The following DACH1 variants were observed in gnomAD, a reference collection of about 807,000 sequenced individuals.
DACH1 encodes dachshund homolog 1.
DACH1 carries 12 observed loss-of-function variants against 54.2 expected under a neutral mutation model. The observed-to-expected ratio is 0.22, with a 90% CI of 0.14 to 0.36. DACH1 has a LOEUF of 0.36. DACH1 is among the 10% of genes least tolerant of loss of function. The probability of loss-of-function intolerance (pLI) is 1.00; values close to 1 mark genes in which losing one functional copy is unlikely to be tolerated. For synonymous variants in DACH1, 386 were observed against 366.2 expected (o/e 1.05, Z -0.62); for missense variants, 805 against 929.8 (o/e 0.87, Z 1.75).
intron 4 of DACH1, among the ~76,000 whole-genome samples, chr13:71,566,171 C>T (rs537234382): frequency 2.0e-5 from 3 of 152,292 alleles, no homozygotes; most frequent in South Asian, 2.1e-4. Context: ...TTACAGGCCA[C>T]CACCACCACT....
Position 71,734,161 on chromosome 13 carries a change from G to GTATATCCCATATACA in DACH1, c.849-52252_849-52251insTGTATATGGGATATA, listed in dbSNP as rs1566466050. Reference sequence around the variant, plus strand: ...CCATATATATGTATATCCCATATACGTATACCCCATATATATGTATATCCC... The same window carrying GTATATCCCATATACA: ...CCATATATATGTATATCCCATATACGTATATCCCATATACATATACCCCATATATATGTATATCCC... On this transcript the variant is annotated intron_variant, in intron 1 of 10. Coordinates refer to ENST00000613252, the MANE Select transcript of DACH1 (RefSeq NM_080759.6). Among the ~76,000 whole-genome samples the GTATATCCCATATACA allele has an allele frequency of 1.2e-4, 11 of 89,558 alleles. 1 individual carries two copies. The highest frequency in any genetic ancestry group is 5.4e-4 in the African/African-American group (11 of 20,274). The allele number at this position is 89,558 out of a possible 152,430, so 58.8% of individuals were successfully genotyped here.
intron 10 of DACH1, among the ~76,000 whole-genome samples, chr13:71,447,523 T>C (rs1392584631): frequency 6.6e-6 from 1 of 152,082 alleles, no homozygotes; most frequent in Non-Finnish European, 1.5e-5. Flanking sequence ...TTTTAAAAAC[T>C]AATGAAGTTT....
intron 1 of DACH1, among the ~76,000 whole-genome samples, chr13:71,791,419 G>A (rs59788456): frequency 0.027 from 4,078 of 152,212 alleles, 179 homozygotes; most frequent in African/African-American, 0.091. Context: ...TGTCCCCCAA[G>A]TGGCAGGCGG....
intron 1 of DACH1, among the ~76,000 whole-genome samples, chr13:71,687,156 T>C (rs1019397795): frequency 1.6e-4 from 25 of 152,228 alleles, no homozygotes; most frequent in Non-Finnish European, 5.9e-5. Flanking sequence ...ATATTCTGCA[T>C]ATTTTTTTCT....
At chr13:71,716,241 C>T (rs1475956164) in intron 1 of DACH1, among the ~76,000 whole-genome samples, 3 of 152,006 alleles carry the variant, frequency 2.0e-5, no homozygotes, top group African/African-American at 4.8e-5. Context: ...CACATTGCTC[C>T]TGCCTTCTCT....
intron 1 of DACH1, among the ~76,000 whole-genome samples, chr13:71,741,950 G>A (rs1033865987): frequency 3.9e-5 from 6 of 152,036 alleles, no homozygotes; most frequent in East Asian, 3.9e-4. Context: ...CAGCTGTGCC[G>A]CCTCCCAAAT....
chr13:71,728,530 T>C (rs1883586265), intron 1 of DACH1, among the ~76,000 whole-genome samples: 1 of 152,006 alleles, frequency 6.6e-6, no homozygotes, highest in African/African-American at 2.4e-5. Flanking sequence ...ATAAAAATAA[T>C]TTCCATGAAT....
At chr13:71,667,721 TCTC>T (rs1009632304) in intron 2 of DACH1, among the ~76,000 whole-genome samples, 45 of 152,144 alleles carry the variant, frequency 3.0e-4, no homozygotes, top group African/African-American at 9.9e-4. Context: ...GGTAACAGGT[TCTC>T]CTTGGAATAG....
At chr13:71,687,513 G>C (rs566475057) in intron 1 of DACH1, among the ~76,000 whole-genome samples, 9 of 152,198 alleles carry the variant, frequency 5.9e-5, no homozygotes, top group African/African-American at 1.9e-4. Flanking sequence ...AATACTGAAT[G>C]CTTATCTTTG....
At chr13:71,706,723 G>T (rs915864111) in intron 1 of DACH1, among the ~76,000 whole-genome samples, 1 of 151,816 alleles carries the variant, frequency 6.6e-6, no homozygotes, top group African/African-American at 2.4e-5. Context: ...ACCAAAATAT[G>T]CATTCTTATT....
intron 2 of DACH1, among the ~76,000 whole-genome samples, chr13:71,671,024 G>A (rs1880175830): frequency 6.6e-6 from 1 of 151,966 alleles, no homozygotes; most frequent in African/African-American, 2.4e-5. Flanking sequence ...ATAATTCTAA[G>A]TAAAGTTCAA....
At chr13:71,675,576 A>G (rs1237129332) in intron 2 of DACH1, 1 of 693,656 alleles carries the variant, frequency 1.4e-6, no homozygotes, top group African/African-American at 1.8e-5. Flanking sequence ...TTTTTTTTCC[A>G]TGGGGTCAAA....
chr13:71,632,107 A>AAAAGAAAAGG (rs1264192398), intron 2 of DACH1, among the ~76,000 whole-genome samples: 1 of 151,984 alleles, frequency 6.6e-6, no homozygotes, highest in African/African-American at 2.4e-5. Context: ...AAAGGAAGAG[A>AAAAGAAAAGG]AAAGAAAAGG....
At chr13:71,808,792 T>G (rs1350846827) in intron 1 of DACH1, among the ~76,000 whole-genome samples, 1 of 152,186 alleles carries the variant, frequency 6.6e-6, no homozygotes, top group African/African-American at 2.4e-5. Context: ...AAATGCTCTG[T>G]GCATCTTTAT....
intron 2 of DACH1, among the ~76,000 whole-genome samples, chr13:71,632,055 A>G (rs1877145373): frequency 6.6e-6 from 1 of 151,866 alleles, no homozygotes; most frequent in Non-Finnish European, 1.5e-5. Flanking sequence ...CTGTGAGCAC[A>G]CTTGGGTGAC....
At chr13:71,860,510 TCAAA>T (rs1263285449) in intron 1 of DACH1, among the ~76,000 whole-genome samples, 1 of 151,280 alleles carries the variant, frequency 6.6e-6, no homozygotes, top group Non-Finnish European at 1.5e-5. Flanking sequence ...AAAGATAAAT[TCAAA>T]CAAAGTTTAA....
At chr13:71,686,917 T>C (rs1333296697) in intron 1 of DACH1, among the ~76,000 whole-genome samples, 1 of 152,134 alleles carries the variant, frequency 6.6e-6, no homozygotes, top group Non-Finnish European at 1.5e-5. Context: ...GGGCTAGACA[T>C]TAGGGTTTCA....
At chr13:71,761,464 C>T (rs1885398559) in intron 1 of DACH1, among the ~76,000 whole-genome samples, 1 of 152,130 alleles carries the variant, frequency 6.6e-6, no homozygotes. Flanking sequence ...CTATATTCTC[C>T]TGTCCTAAAA....
intron 6 of DACH1, among the ~76,000 whole-genome samples, chr13:71,498,177 C>T (rs1385346610): frequency 1.3e-5 from 2 of 152,168 alleles, no homozygotes; most frequent in Admixed American, 1.3e-4. Flanking sequence ...ATGCAACTAT[C>T]ACCTATATCA....
Sources: allele counts gnomAD v4.1 joint callset (sites outside exome capture counted in the v4.1 genomes callset), GRCh38; gene constraint gnomAD v4.1.1; transcripts MANE v1.5; gene names NCBI Gene and HGNC (gene_info 2026-07-23, HGNC 2026-07-21).